The following RPLP0 variants were observed in gnomAD, a reference collection of about 807,000 sequenced individuals.
The protein encoded by RPLP0 is large ribosomal subunit protein uL10.
For synonymous variants in RPLP0, 137 were observed against 153.4 expected (o/e 0.89, Z 0.79); for missense variants, 276 against 402.9 (o/e 0.69, Z 2.70).
intron 6 of RPLP0, 97 bp from the exon 7 acceptor site, chr12:120,197,559 C>T: frequency 6.9e-7 from 1 of 1,439,354 alleles, no homozygotes; most frequent in Non-Finnish European, 9.5e-7. Context: ...ACAATAATTG[C>T]CAGGTTGGCA....
chr12:120,200,678 C>A, intron 2 of RPLP0, 52 bp downstream of exon 2: 1 of 1,582,484 alleles, frequency 6.3e-7, no homozygotes. Context: ...CTGACTGTCC[C>A]TATTTGCGCT....
In RPLP0 at chr12:120,201,070, C is replaced by T. The variant is rs1367851106; in HGVS notation, c.-49+13G>A. 1 of 417,398 alleles carries T rather than the reference C, an allele frequency of 2.4e-6. No individual in the cohort carries two copies. The highest frequency in any genetic ancestry group is 4.3e-6 in the Non-Finnish European group (1 of 233,856). 25.9% of individuals were successfully genotyped at this position (417,398 alleles called of 1,614,324 possible). A position where few individuals can be genotyped will look rare whatever the true frequency, so the allele number is the denominator to read the frequency against. Reference sequence around the variant, plus strand: ...CCGGCGACCCCTGGCGCCCATCTAACTAGCACACGAACCTTCCACGAGGAC... The same window carrying T: ...CCGGCGACCCCTGGCGCCCATCTAATTAGCACACGAACCTTCCACGAGGAC... On this transcript the variant is annotated intron_variant, in intron 1 of 7. Transcript: ENST00000392514.
intron 1 of RPLP0, 102 bp downstream of exon 1, chr12:120,200,981 C>G (rs1879437540): frequency 1.1e-6 from 1 of 896,152 alleles, no homozygotes; most frequent in Non-Finnish European, 1.6e-6. Flanking sequence ...CACCGAGGCC[C>G]CAGGCGGAAC....
Position 120,198,713 on chromosome 12 carries a change from T to C in RPLP0, c.492A>G (p.Gly164=). The C allele has an allele frequency of 6.2e-7, 1 of 1,614,014 alleles. No homozygotes were observed. Among genetic ancestry groups the C allele is most frequent in the Non-Finnish European group, 8.5e-7 (1 of 1,179,886 alleles). The change falls in exon 6 of 8, where the codon GGA becomes GGG. Residue 164 remains glycine, a synonymous_variant. Coordinates refer to ENST00000392514, the MANE Select transcript of RPLP0 (RefSeq NM_001002.4). This position sits in a 1 kb window ranked among gnomAD's most constrained non-coding sequence, Gnocchi z 4.1. Reference sequence around the variant, plus strand: ...TGGCTTCGCTGGCTCCCACTTTGTCTCCAGTCTTGATCAGCTGCACATCAC... The same window carrying C: ...TGGCTTCGCTGGCTCCCACTTTGTCCCCAGTCTTGATCAGCTGCACATCAC... ...ILSDVQLIKT[G]DKVGASEATL... is the part of the protein sequence containing the mutation.
chr12:120,199,336 G>T lies in RPLP0; in HGVS notation c.204C>A (p.His68Gln). Residue 68 changes from histidine (H) to glutamine (Q), a missense_variant, in exon 3 of 8, where the codon CAC becomes CAA. Transcript: ENST00000392514. ...NTMMRKAIRG[H>Q]LENNPALEKL... is the part of the protein sequence containing the mutation. ...TCTCCAGAGCTGGGTTGTTTTCCAGGTGCCCTCGGATGGCCTTGCGCATCA... is the reference window on the plus strand; with the variant it reads ...TCTCCAGAGCTGGGTTGTTTTCCAGTTGCCCTCGGATGGCCTTGCGCATCA... 6.2e-7 allele frequency: 1 copy of T among 1,614,148 alleles called. No individual in the cohort carries two copies. Among genetic ancestry groups the T allele is most frequent in the Non-Finnish European group, 8.5e-7 (1 of 1,180,028 alleles).
Position 120,199,497 on chromosome 12 carries a change from A to C in RPLP0, c.55-12T>G, listed in dbSNP as rs750916834. ...TCATCCAATAGTTGCTACAAAAAAC[A>C]AGCCAGAGGAGCCAAGTTTAACAGG... On this transcript the variant is annotated splice_polypyrimidine_tract_variant and intron_variant, in intron 2 of 7. Transcript: ENST00000392514. The C allele has an allele frequency of 1.9e-6, 3 of 1,611,282 alleles. No individual in the cohort carries two copies. In the East Asian group the frequency reaches 6.7e-5, roughly 36 times the overall value.
Position 120,196,874 on chromosome 12 carries a change from T to C in RPLP0, c.853A>G (p.Thr285Ala), listed in dbSNP as rs17081880. ...GCAGCAGCAGCAGGAGCAGCTGTGG[T>C]GGCAGCAGCCACAGGGGCAGCAGCC... is the stretch of plus-strand genomic sequence containing the variant. ...FVAAAPVAAA[T>A]TAAPAAAAAP... Residue 285 changes from threonine (T) to alanine (A), a missense_variant, in exon 8 of 8, where the codon ACC (threonine) becomes GCC (alanine). Thr to Ala is a moderately conservative substitution (Grantham distance 58). Transcript: ENST00000392514. 3 of 1,612,054 alleles carry C rather than the reference T, an allele frequency of 1.9e-6. No individual in the cohort carries two copies. The South Asian group carries it at 3.3e-5, about 18-fold the overall frequency.
chr12:120,200,843 C>T lies in RPLP0; in HGVS notation c.-48-12G>A. The T allele has an allele frequency of 6.3e-7, 1 of 1,583,146 alleles. No individual in the cohort carries two copies. The highest frequency in any genetic ancestry group is 8.6e-7 in the Non-Finnish European group (1 of 1,165,560). ...TAAAGACGATGTCACTGAGGAGAGACAGGGAGCTCAGGCCTGGTCACGCCG... is the reference window on the plus strand; with the variant it reads ...TAAAGACGATGTCACTGAGGAGAGATAGGGAGCTCAGGCCTGGTCACGCCG... On this transcript the variant is annotated splice_polypyrimidine_tract_variant and intron_variant, in intron 1 of 7. Transcript: ENST00000392514.
intron 2 of RPLP0, chr12:120,200,502 A>C: frequency 1.9e-6 from 1 of 533,882 alleles, no homozygotes; most frequent in Non-Finnish European, 3.3e-6. Flanking sequence ...TAGAAGCCAG[A>C]CAGACCTGGA....
rs1879260290 is a variant in RPLP0 at position 120,198,276 on chromosome 12, T to G, written c.651+278A>C. The G allele has an allele frequency of 7.9e-6, 3 of 381,638 alleles. No homozygotes were observed. The highest frequency in any genetic ancestry group is 1.5e-5 in the Non-Finnish European group (3 of 204,304). The allele number at this position is 381,638 out of a possible 1,614,324, so 23.6% of individuals were successfully genotyped here. The stretch of plus-strand genomic sequence containing the variant: ...GGCGGGTGCCTGTAGTCCCAGCTAC[T>G]CAGGAGGCTGAGGCAGGAGAATGGT... On this transcript the variant is annotated intron_variant, in intron 6 of 7. Coordinates refer to ENST00000392514, the MANE Select transcript of RPLP0 (RefSeq NM_001002.4). The surrounding 1 kb of genome is among the most constrained non-coding windows in gnomAD (Gnocchi z 4.1).
Position 120,196,719 on chromosome 12 carries a change from C to G in RPLP0, c.*54G>C, listed in dbSNP as rs1379440935. On this transcript the variant is annotated 3_prime_UTR_variant, in exon 8 of 8. Transcript: ENST00000392514. ...CCAGAGACTTTTTAAAGAAGTAAGC[C>G]TTTATTTCCTTGTTTTGCAAATAAA... 4 of 1,513,536 alleles carry G rather than the reference C, an allele frequency of 2.6e-6. No individual in the cohort carries two copies. The highest frequency in any genetic ancestry group is 2.8e-5 in the African/African-American group (2 of 71,604). 93.8% of individuals were successfully genotyped at this position (1,513,536 alleles called of 1,614,324 possible). A position where few individuals can be genotyped will look rare whatever the true frequency, so the allele number is the denominator to read the frequency against.
intron 2 of RPLP0, chr12:120,199,761 A>G: frequency 2.4e-6 from 1 of 408,576 alleles, no homozygotes; most frequent in Non-Finnish European, 4.5e-6. Context: ...CATGCTTCTG[A>G]TTCACTAAAA....
rs746881067 is a variant in RPLP0, at chr12:120,198,753, T to C, written c.466-14A>G. The C allele has an allele frequency of 9.9e-6, 16 of 1,613,244 alleles. No individual in the cohort carries two copies. Among genetic ancestry groups the C allele is most frequent in the East Asian group, 2.2e-5 (1 of 44,872 alleles). ...CTGCACATCACTCTGAACCAGATAA[T>C]AGTGGGGCAGTAAACACCTGTTGGA... On this transcript the variant is annotated splice_polypyrimidine_tract_variant and intron_variant, in intron 5 of 7. Coordinates refer to ENST00000392514, the MANE Select transcript of RPLP0 (RefSeq NM_001002.4). This position sits in a 1 kb window ranked among gnomAD's most constrained non-coding sequence, Gnocchi z 4.1.
At chr12:120,199,983 C>A (rs1310253402) in intron 2 of RPLP0, 1 of 455,830 alleles carries the variant, frequency 2.2e-6, no homozygotes, top group Non-Finnish European at 4.4e-6. Flanking sequence ...AAGCTATGCT[C>A]TACAATGCTG....
chr12:120,199,189 G>C lies in RPLP0; in HGVS notation c.247C>G (p.Arg83Gly). The change falls in exon 4 of 8, where the codon CGG becomes GGG. Residue 83 changes from arginine (R) to glycine (G), a missense_variant. Transcript: ENST00000392514. ...GTGAACACAAAGCCCACATTCCCCC[G>C]GATATGAGGCAGCAGTCTGCAAAGA... is the stretch of plus-strand genomic sequence containing the variant. ...PALEKLLPHI[R>G]GNVGFVFTKE... 6.2e-7 allele frequency: 1 copy of C among 1,613,860 alleles called. No individual in the cohort carries two copies. The highest frequency in any genetic ancestry group is 8.5e-7 in the Non-Finnish European group (1 of 1,179,798).
chr12:120,197,527 G>A (rs1416730741), intron 6 of RPLP0, 65 bp from the exon 7 acceptor site: 2 of 1,554,232 alleles, frequency 1.3e-6, no homozygotes, highest in Non-Finnish European at 1.8e-6. Context: ...AAGTAAGGGT[G>A]AATAAAGAGA....
Position 120,197,305 on chromosome 12 carries a change from T to C in RPLP0, c.792+17A>G. 1 of 1,612,114 alleles carries C rather than the reference T, an allele frequency of 6.2e-7. No homozygotes were observed. ...GTCACAGTCAGGCCCACTGTGGTCC[T>C]GGTGGGATCCTTTTACCTTTTCAGC... is the stretch of plus-strand genomic sequence containing the variant. On this transcript the variant is annotated intron_variant, in intron 7 of 7. Coordinates refer to ENST00000392514, the MANE Select transcript of RPLP0 (RefSeq NM_001002.4).
rs914699284 is a variant in RPLP0 at position 120,201,058 on chromosome 12, G to A, written c.-49+25C>T. ...CCATGCTTCCCGCCGGCGACCCCTG[G>A]CGCCCATCTAACTAGCACACGAACC... On this transcript the variant is annotated intron_variant, in intron 1 of 7. Coordinates refer to ENST00000392514, the MANE Select transcript of RPLP0 (RefSeq NM_001002.4). 5 of 441,954 alleles carry A rather than the reference G, an allele frequency of 1.1e-5. No homozygotes were observed. The Admixed American group carries it at 1.7e-4, about 15-fold the overall frequency. 27.4% of individuals were successfully genotyped at this position (441,954 alleles called of 1,614,324 possible).
intron 1 of RPLP0, 67 bp from the exon 2 acceptor site, chr12:120,200,898 G>A (rs1264852881): frequency 6.1e-6 from 9 of 1,480,888 alleles, no homozygotes; most frequent in Admixed American, 4.5e-5. Flanking sequence ...GGGCCTAAGA[G>A]GAGCAGGACA....
Sources: gnomAD v4.1 joint callset for allele counts on GRCh38, gnomAD v4.1.1 for gene constraint, Gnocchi (gnomAD v3.1) non-coding constraint, MANE v1.5 for transcripts, NCBI Gene and HGNC (gene_info 2026-07-23, HGNC 2026-07-21) for gene names.